The following TMEM144 variants were observed in gnomAD, a reference collection of about 807,000 sequenced individuals.
The protein encoded by TMEM144 is transmembrane protein 144.
A neutral mutation model predicts 43.6 loss-of-function variants in TMEM144; 39 were observed. The ratio of observed to expected loss-of-function variants is 0.90; its 90% confidence interval spans 0.69 to 1.17. The LOEUF is 1.17. Among genes scored for constraint, TMEM144 ranks in the 50% most tolerant of loss-of-function variants. The pLI is 0.00. For synonymous variants in TMEM144, 154 were observed against 133.6 expected (o/e 1.15, Z -1.06); for missense variants, 417 against 411.9 (o/e 1.01, Z -0.11).
intron 6 of TMEM144, among the ~76,000 whole-genome samples, chr4:158,223,761 CA>C (rs1734618194): frequency 6.6e-6 from 1 of 152,206 alleles, no homozygotes; most frequent in Non-Finnish European, 1.5e-5. Flanking sequence ...TTTATGGCTG[CA>C]AAGTATTCCA....
intron 11 of TMEM144, 39 bp from the exon 12 acceptor site, chr4:158,244,256 TA>T: frequency 7.0e-7 from 1 of 1,427,762 alleles, no homozygotes; most frequent in Non-Finnish European, 9.6e-7. Flanking sequence ...TAGTCATAGG[TA>T]AATATCCAAT....
intron 6 of TMEM144, among the ~76,000 whole-genome samples, chr4:158,222,918 T>C (rs565038410): frequency 6.6e-6 from 1 of 152,372 alleles, no homozygotes; most frequent in African/African-American, 2.4e-5. Flanking sequence ...ACGGCATTCA[T>C]AGACTTTATC....
intron 6 of TMEM144, 83 bp downstream of exon 6, chr4:158,219,473 T>G: frequency 7.7e-7 from 1 of 1,305,314 alleles, no homozygotes; most frequent in Non-Finnish European, 1.1e-6. Flanking sequence ...TTTACATTTT[T>G]TAAACCTACA....
At chr4:158,238,319 A>C (rs1046503210) in intron 9 of TMEM144, among the ~76,000 whole-genome samples, 3 of 152,234 alleles carry the variant, frequency 2.0e-5, no homozygotes, top group Admixed American at 2.0e-4. Flanking sequence ...ACCTCTGTTC[A>C]GATAAAGGAG....
chr4:158,220,987 C>T (rs1560823166), intron 6 of TMEM144, among the ~76,000 whole-genome samples: 1 of 152,148 alleles, frequency 6.6e-6, no homozygotes, highest in Non-Finnish European at 1.5e-5. Context: ...ACTGAATAAA[C>T]TTGGAGCTTC....
In TMEM144 at chr4:158,217,307, T is replaced by C; in HGVS notation, c.233-14T>C. 4 of 1,503,052 alleles carry C rather than the reference T, an allele frequency of 2.7e-6. No homozygotes were observed. The highest frequency in any genetic ancestry group is 3.7e-6 in the Non-Finnish European group (4 of 1,081,448). The allele number at this position is 1,503,052 out of a possible 1,614,324, so 93.1% of individuals were successfully genotyped here. A position where few individuals can be genotyped will look rare whatever the true frequency, so the allele number is the denominator to read the frequency against. ...ATGGAAATAACATGTTTCTTCTGTA[T>C]ATTACATCTACAGGGAACATTGCTG... On this transcript the variant is annotated splice_polypyrimidine_tract_variant and intron_variant, in intron 4 of 12. Coordinates refer to ENST00000296529, the MANE Select transcript of TMEM144 (RefSeq NM_018342.5).
intron 11 of TMEM144, among the ~76,000 whole-genome samples, chr4:158,242,419 AT>A (rs1398492643): frequency 1.3e-5 from 2 of 152,080 alleles, no homozygotes; most frequent in Non-Finnish European, 2.9e-5. Flanking sequence ...TCATTATTTT[AT>A]TTTTTTGGTA....
rs756954452 is a variant in TMEM144, at chr4:158,215,276, G to T, written c.195G>T (p.Trp65Cys). 1 of 1,613,796 alleles carries T rather than the reference G, an allele frequency of 6.2e-7. No homozygotes were observed. Among genetic ancestry groups the T allele is most frequent in the East Asian group, 2.2e-5 (1 of 44,862 alleles). The change falls in exon 4 of 13, where the codon TGG (tryptophan) becomes TGT (cysteine). Residue 65 changes from tryptophan to cysteine, a missense_variant. Coordinates refer to ENST00000296529, the MANE Select transcript of TMEM144 (RefSeq NM_018342.5). ...TGATATTACATTGTCCAAAGTTTTG[G>T]CCTTTTGCAATGCTTGGGGGCTGCA... ...VNLILHCPKFWPFAMLGGCIW... is the reference protein window; with the variant it reads ...VNLILHCPKFCPFAMLGGCIW...
chr4:158,215,444 A>C, intron 4 of TMEM144, 131 bp downstream of exon 4: 1 of 1,147,098 alleles, frequency 8.7e-7, no homozygotes, highest in South Asian at 2.3e-5. Context: ...GAAATTAACT[A>C]GTTTCTTGCC....
At chr4:158,217,601 T>C (rs1734291079) in intron 5 of TMEM144, among the ~76,000 whole-genome samples, 181 bp downstream of exon 5, 1 of 152,216 alleles carries the variant, frequency 6.6e-6, no homozygotes, top group Non-Finnish European at 1.5e-5. Flanking sequence ...ATAAGTGATC[T>C]AGATATTTGA....
rs148345681 is a variant in TMEM144, at chr4:158,251,410, A to G, written c.955-2034A>G. ...ACATCAAGCCTTAAGGATAAGGGAT[A>G]GAAATCTTTAAGTGGGGGGGATGAG... On this transcript the variant is annotated intron_variant, in intron 12 of 12. Transcript: ENST00000296529. Among the ~76,000 whole-genome samples, 850 of 152,340 alleles carry G rather than the reference A, an allele frequency of 5.6e-3. 11 individuals are homozygous for G. The highest frequency in any genetic ancestry group is 0.02 in the African/African-American group (815 of 41,566).
Position 158,210,549 on chromosome 4 carries a change from T to C in TMEM144, c.-220T>C, listed in dbSNP as rs561971246. ...CGTAGTGGGCGGATCGCGCCGGCGC[T>C]GAGTAGGAAGGAGCTTCAGCCGCCA... On this transcript the variant is annotated 5_prime_UTR_variant, in exon 1 of 13. It removes the in-frame stop codon of an upstream open reading frame in the 5' UTR. Transcript: ENST00000296529. 1 of 152,316 alleles carries C rather than the reference T, an allele frequency of 6.6e-6. No homozygotes were observed. Among genetic ancestry groups the C allele is most frequent in the Non-Finnish European group, 1.5e-5 (1 of 68,060 alleles). 9.4% of individuals were successfully genotyped at this position (152,316 alleles called of 1,614,324 possible). A position where few individuals can be genotyped will look rare whatever the true frequency, so the allele number is the denominator to read the frequency against.
chr4:158,247,194 A>C (rs75161873), intron 12 of TMEM144, among the ~76,000 whole-genome samples: 3,185 of 152,044 alleles, frequency 0.021, 111 homozygotes, highest in African/African-American at 0.07. Flanking sequence ...TAACCTCTTA[A>C]TAAGCTAGAA....
rs1332495227 is a variant in TMEM144 at position 158,210,546 on chromosome 4, C to G, written c.-223C>G. 1.3e-5 allele frequency: 2 copies of G among 152,276 alleles called. No individual in the cohort carries two copies. Among genetic ancestry groups the G allele is most frequent in the African/African-American group, 4.8e-5 (2 of 41,464 alleles). 9.4% of individuals were successfully genotyped at this position (152,276 alleles called of 1,614,324 possible). A position where few individuals can be genotyped will look rare whatever the true frequency, so the allele number is the denominator to read the frequency against. On this transcript the variant is annotated 5_prime_UTR_variant, in exon 1 of 13. Transcript: ENST00000296529. ...GCACGTAGTGGGCGGATCGCGCCGG[C>G]GCTGAGTAGGAAGGAGCTTCAGCCG...
Position 158,232,817 on chromosome 4 carries a change from G to T in TMEM144, c.414-84G>T, listed in dbSNP as rs1191356457. ...TATCATTAGGATCCGATTATTTAAG[G>T]TGTGTGTTTTTTTCTTAAAAATCAA... On this transcript the variant is annotated intron_variant, in intron 6 of 12. Coordinates refer to ENST00000296529, the MANE Select transcript of TMEM144 (RefSeq NM_018342.5). The T allele has an allele frequency of 2.6e-5, 23 of 879,980 alleles. No homozygotes were observed. The Admixed American group carries it at 3.3e-4, about 13-fold the overall frequency. 54.5% of individuals were successfully genotyped at this position (879,980 alleles called of 1,614,324 possible).
In TMEM144 at chr4:158,222,910, G is replaced by A. The variant is rs149241989; in HGVS notation, c.413+3520G>A. ...CTTTTAAATTACCTATGCCTTTGAC[G>A]GCATTCATAGACTTTATCATGGAAC... On this transcript the variant is annotated intron_variant, in intron 6 of 12. Coordinates refer to ENST00000296529, the MANE Select transcript of TMEM144 (RefSeq NM_018342.5). Among the ~76,000 whole-genome samples, 59 of 152,238 alleles carry A rather than the reference G, an allele frequency of 3.9e-4. No individual in the cohort carries two copies. In the East Asian group the frequency reaches 0.011, roughly 28 times the overall value.
intron 12 of TMEM144, among the ~76,000 whole-genome samples, chr4:158,248,793 C>T (rs927471147): frequency 3.3e-5 from 5 of 152,134 alleles, no homozygotes; most frequent in Non-Finnish European, 7.4e-5. Flanking sequence ...CCTACAGCTG[C>T]GAGGAATAAA....
At chr4:158,248,048 C>A (rs930445071) in intron 12 of TMEM144, among the ~76,000 whole-genome samples, 11 of 6,352 alleles carry the variant, frequency 1.7e-3, no homozygotes, top group African/African-American at 2.2e-3. Flanking sequence ...TTGCTCTTTT[C>A]TGTTTTAAAA....
At chr4:158,218,309 T>C (rs1734336479) in intron 5 of TMEM144, among the ~76,000 whole-genome samples, 2 of 152,146 alleles carry the variant, frequency 1.3e-5, no homozygotes, top group Non-Finnish European at 2.9e-5. Flanking sequence ...CTGGTGCCCT[T>C]GGTCAGCATT....
Sources: allele counts gnomAD v4.1 joint callset (sites outside exome capture counted in the v4.1 genomes callset), GRCh38; gene constraint gnomAD v4.1.1; transcripts MANE v1.5; gene names NCBI Gene and HGNC (gene_info 2026-07-23, HGNC 2026-07-21).